Variants in STARD13 observed in about 807,000 individuals in gnomAD.
STARD13 encodes stAR-related lipid transfer protein 13.
A neutral mutation model predicts 106.4 loss-of-function variants in STARD13; 62 were observed. The observed-to-expected ratio is 0.58, with a 90% CI of 0.48 to 0.72. STARD13 has a LOEUF of 0.72. Among genes scored for constraint, STARD13 ranks in the 30% least tolerant of loss-of-function variants. The pLI is 0.00. For missense variants in STARD13, 1,387 were observed against 1,424.0 expected, an observed-to-expected ratio of 0.97 and a Z score of 0.42; for synonymous variants, 565 against 553.0, an observed-to-expected ratio of 1.02 and a Z score of -0.31.
At chr13:33,455,229 G>A in the STARD13 span, among the ~76,000 whole-genome samples, 4 of 152,214 alleles carry the variant, frequency 2.6e-5, no homozygotes, top group Non-Finnish European at 5.9e-5. Context: ...ACAAGCCTCA[G>A]ACTCTGAACA....
chr13:33,673,343 T>G, the STARD13 span, among the ~76,000 whole-genome samples: 13 of 152,146 alleles, frequency 8.5e-5, no homozygotes, highest in Non-Finnish European at 1.8e-4. Flanking sequence ...ATGGCCTACA[T>G]TTGTGGCCAT....
At chr13:33,659,936 T>C in the STARD13 span, 3 of 152,208 alleles carry the variant, frequency 2.0e-5, no homozygotes, top group Non-Finnish European at 4.4e-5. Context: ...TGATTACTCA[T>C]GGGCTTAAAT....
the STARD13 span, among the ~76,000 whole-genome samples, chr13:33,512,034 G>A: frequency 2.0e-5 from 3 of 152,170 alleles, no homozygotes; most frequent in African/African-American, 7.2e-5. Context: ...TTTGAAATAA[G>A]GAAGGAGACA....
intron 1 of STARD13, among the ~76,000 whole-genome samples, chr13:33,266,499 CT>C (rs548897210): frequency 1.3e-4 from 20 of 152,306 alleles, no homozygotes; most frequent in African/African-American, 4.8e-4. Flanking sequence ...TGGCCTCAAA[CT>C]TTTTTGCCAA....
chr13:33,234,012 C>T (rs774815605), intron 1 of STARD13, among the ~76,000 whole-genome samples: 1 of 152,200 alleles, frequency 6.6e-6, no homozygotes, highest in Non-Finnish European at 1.5e-5. Flanking sequence ...ATCAAATGCA[C>T]CAGGCCCTCA....
chr13:33,123,150 A>G (rs1273087977), intron 7 of STARD13, among the ~76,000 whole-genome samples: 1 of 151,906 alleles, frequency 6.6e-6, no homozygotes, highest in Non-Finnish European at 1.5e-5. Context: ...CAGGCAACAG[A>G]AAAAGTGACA....
the STARD13 span, among the ~76,000 whole-genome samples, chr13:33,493,458 A>G: frequency 6.6e-6 from 1 of 152,230 alleles, no homozygotes; most frequent in Non-Finnish European, 1.5e-5. Context: ...ATAATAATGT[A>G]TCATACTGAT....
Position 33,164,871 on chromosome 13 carries a change from T to C in STARD13, c.323+466A>G, listed in dbSNP as rs373870782. Among the ~76,000 whole-genome samples the C allele has an allele frequency of 2.6e-5, 4 of 152,148 alleles. No homozygotes were observed. In the East Asian group the frequency reaches 5.8e-4, roughly 22 times the overall value. On this transcript the variant is annotated intron_variant, in intron 3 of 13. Coordinates refer to ENST00000336934, the MANE Select transcript of STARD13 (RefSeq NM_178006.4). Reference sequence around the variant, plus strand: ...CACACGAGTTTGAGGAGATAATCACTTGACTTTGCAAAAAATACAGCCAAG... The same window carrying C: ...CACACGAGTTTGAGGAGATAATCACCTGACTTTGCAAAAAATACAGCCAAG...
Position 33,163,262 on chromosome 13 carries a change from G to C in STARD13, c.323+2075C>G, listed in dbSNP as rs1274908051. 4.6e-5 allele frequency among the ~76,000 whole-genome samples: 7 copies of C among 151,880 alleles called. No individual in the cohort carries two copies. In the East Asian group the frequency reaches 1.2e-3, roughly 25 times the overall value. On this transcript the variant is annotated intron_variant, in intron 3 of 13. Coordinates refer to ENST00000336934, the MANE Select transcript of STARD13 (RefSeq NM_178006.4). ...GGAATACAATTCAAGATAAGATTTG[G>C]GTGGGGACACAGAGCCAAACCATAT...
chr13:33,183,618 C>A (rs1885455707), intron 1 of STARD13, among the ~76,000 whole-genome samples: 1 of 152,146 alleles, frequency 6.6e-6, no homozygotes, highest in South Asian at 2.1e-4. Flanking sequence ...AACAAGAAAT[C>A]TCATGAAGCT....
the STARD13 span, among the ~76,000 whole-genome samples, chr13:33,656,357 G>T: frequency 6.6e-6 from 1 of 152,190 alleles, no homozygotes; most frequent in African/African-American, 2.4e-5. Context: ...ATCAATCTAA[G>T]AAATATCTAA....
rs772864544 is a variant in STARD13 at position 33,129,690 on chromosome 13, C to A, written c.987G>T (p.Ser329=). 6.2e-7 allele frequency: 1 copy of A among 1,614,110 alleles called. No individual in the cohort carries two copies. Among genetic ancestry groups the A allele is most frequent in the Admixed American group, 1.7e-5 (1 of 60,034 alleles). The change falls in exon 5 of 14, where the codon TCG becomes TCT. Residue 329 remains serine, a synonymous_variant. Coordinates refer to ENST00000336934, the MANE Select transcript of STARD13 (RefSeq NM_178006.4). The part of the protein sequence containing the change: ...CRKGLPCSGK[S]SGESSPSEHS... ...GCTCCGACGGGCTGCTCTCGCCACT[C>A]GACTTGCCAGAGCATGGGAGCCCTT... is the stretch of plus-strand genomic sequence containing the variant.
intron 7 of STARD13, among the ~76,000 whole-genome samples, chr13:33,125,176 T>A (rs1259281754): frequency 2.6e-5 from 4 of 152,206 alleles, no homozygotes; most frequent in Admixed American, 6.5e-5. Flanking sequence ...TCCTGCCCAC[T>A]GAGCCCAAGG....
At chr13:33,454,554 A>G in the STARD13 span, among the ~76,000 whole-genome samples, 2 of 152,366 alleles carry the variant, frequency 1.3e-5, no homozygotes, top group African/African-American at 4.8e-5. Context: ...AAATTGCCAA[A>G]GGAGATACGA....
the STARD13 span, among the ~76,000 whole-genome samples, chr13:33,375,591 C>G: frequency 6.6e-6 from 1 of 152,088 alleles, no homozygotes; most frequent in Non-Finnish European, 1.5e-5. Context: ...TAAACACATC[C>G]TTCTTCACAT....
At chr13:33,650,482 G>A in the STARD13 span, among the ~76,000 whole-genome samples, 3 of 151,948 alleles carry the variant, frequency 2.0e-5, no homozygotes, top group South Asian at 2.1e-4. Context: ...GAGCCACCGC[G>A]CCCGGCCGAC....
chr13:33,605,194 G>A, the STARD13 span, among the ~76,000 whole-genome samples: 1 of 146,162 alleles, frequency 6.8e-6, no homozygotes, highest in East Asian at 2.0e-4. Flanking sequence ...AGCCATGACA[G>A]TACCACTGCA....
At chr13:33,323,200 A>G (rs1298869777) in intron 1 of STARD13, among the ~76,000 whole-genome samples, 2 of 152,300 alleles carry the variant, frequency 1.3e-5, no homozygotes, top group South Asian at 2.1e-4. Flanking sequence ...AGCTCCAGCC[A>G]TATTAGGTGC....
chr13:33,499,456 T>A, the STARD13 span, among the ~76,000 whole-genome samples: 4 of 152,264 alleles, frequency 2.6e-5, no homozygotes, highest in East Asian at 7.7e-4. Flanking sequence ...TATTCTCACA[T>A]GGCAGAGAGA....
Sources: allele counts gnomAD v4.1 joint callset (sites outside exome capture counted in the v4.1 genomes callset), GRCh38; gene constraint gnomAD v4.1.1; transcripts MANE v1.5; gene names NCBI Gene and HGNC (gene_info 2026-07-23, HGNC 2026-07-21).